Variants in GPRC5B observed in about 807,000 individuals in gnomAD.
GPRC5B encodes the protein G protein-coupled receptor class C group 5 member B, also known as G protein-coupled receptor family C group 5 member B.
A neutral mutation model predicts 30.1 loss-of-function variants in GPRC5B; 16 were observed. The ratio of observed to expected loss-of-function variants is 0.53; its 90% CI spans 0.36 to 0.81. The LOEUF (loss-of-function observed/expected upper bound fraction) is 0.81, where lower values mean the gene tolerates loss of function less well. Ranked by LOEUF, GPRC5B falls within the 30% of genes least tolerant of loss-of-function variation. The pLI is 0.01. For missense variants in GPRC5B, 428 were observed against 544.7 expected (o/e 0.79, Z 2.13); for synonymous variants, 241 against 239.5 (o/e 1.01, Z -0.06).
chr16:19,879,975 A>G (rs924585282), intron 1 of GPRC5B, among the ~76,000 whole-genome samples: 2 of 151,296 alleles, frequency 1.3e-5, no homozygotes, highest in African/African-American at 4.9e-5. Flanking sequence ...TCTCTATAAA[A>G]ATACAAAAAT....
At chr16:19,881,836 C>T (rs1252562669) in intron 1 of GPRC5B, among the ~76,000 whole-genome samples, 1 of 152,224 alleles carries the variant, frequency 6.6e-6, no homozygotes, top group African/African-American at 2.4e-5. Context: ...AAGGCAGAGA[C>T]GTCAGGAAAA....
chr16:19,864,352 A>G (rs2056650403), intron 2 of GPRC5B, among the ~76,000 whole-genome samples: 1 of 152,266 alleles, frequency 6.6e-6, no homozygotes, highest in African/African-American at 2.4e-5. Context: ...TGCTCTGTTG[A>G]AAGCCAACAT....
At chr16:19,879,489 A>T in intron 1 of GPRC5B, among the ~76,000 whole-genome samples, 1 of 151,408 alleles carries the variant, frequency 6.6e-6, no homozygotes. Context: ...GGCCAGAAGC[A>T]GCTAGCAGGT....
chr16:19,884,740 C>A lies in GPRC5B; in HGVS notation c.-15G>T. On this transcript the variant is annotated 5_prime_UTR_variant, in exon 1 of 4. Coordinates refer to ENST00000300571, the MANE Select transcript of GPRC5B (RefSeq NM_016235.3). ...GCTCGCACTTACCGACCCCCGCGGC[C>A]CCGCAGCGCCGACGCTCCAGCTGGC... The A allele has an allele frequency of 1.0e-6, 1 of 985,140 alleles. No individual in the cohort carries two copies. Among genetic ancestry groups the A allele is most frequent in the Non-Finnish European group, 1.2e-6 (1 of 829,788 alleles). The allele number at this position is 985,140 out of a possible 1,614,324, so 61.0% of individuals were successfully genotyped here.
At chr16:19,885,604 A>C (rs1359883242), upstream of GPRC5B, 6 of 1,035,712 alleles carry the variant, frequency 5.8e-6, no homozygotes, top group Non-Finnish European at 7.0e-6. The surrounding 1 kb of genome is among the most constrained non-coding windows in gnomAD (Gnocchi z 5.3). Flanking sequence ...TCACCCACGT[A>C]CGCACATGTC....
chr16:19,862,182 G>A, intron 2 of GPRC5B: 1 of 553,332 alleles, frequency 1.8e-6, no homozygotes, highest in East Asian at 3.1e-5. Context: ...CAGTGGGTTT[G>A]GGAAAAGCTG....
chr16:19,869,199 T>TGG (rs2056692177), intron 2 of GPRC5B, among the ~76,000 whole-genome samples: 1 of 151,738 alleles, frequency 6.6e-6, no homozygotes, highest in Admixed American at 6.6e-5. Context: ...CGTGATGGCA[T>TGG]GCACCTGTAA....
At chr16:19,862,654 G>A (rs1169131818) in intron 2 of GPRC5B, among the ~76,000 whole-genome samples, 1 of 152,202 alleles carries the variant, frequency 6.6e-6, no homozygotes, top group Non-Finnish European at 1.5e-5. Flanking sequence ...GCTCAAGCCT[G>A]TAATCCCTAA....
chr16:19,863,423 G>A (rs922745303), intron 2 of GPRC5B, among the ~76,000 whole-genome samples: 25 of 150,982 alleles, frequency 1.7e-4, no homozygotes, highest in African/African-American at 6.1e-4. Context: ...CACTTTGCTT[G>A]GGGCCCAAGG....
chr16:19,874,544 T>C (rs1183021352), intron 1 of GPRC5B, among the ~76,000 whole-genome samples: 1 of 152,224 alleles, frequency 6.6e-6, no homozygotes, highest in Non-Finnish European at 1.5e-5. Flanking sequence ...ACAAGGCTCC[T>C]TCAGTCTTGG....
intron 2 of GPRC5B, among the ~76,000 whole-genome samples, chr16:19,871,281 C>CAAAAAAAAAAAAAAAAAAA (rs71375667): frequency 4.3e-5 from 3 of 70,352 alleles, no homozygotes; most frequent in Non-Finnish European, 5.2e-5. Context: ...GACCCTGTCT[C>CAAAAAAAAAAAAAAAAAAA]AAAAAAAAAA....
In GPRC5B at chr16:19,872,439, C is replaced by T. The variant is rs2056729216; in HGVS notation, c.407G>A (p.Cys136Tyr). Residue 136 changes from cysteine (C) to tyrosine (Y), a missense_variant, in exon 2 of 4, where the codon TGC becomes TAC. Physicochemically the swap from Cys to Tyr is radical, Grantham distance 194 (BLOSUM62 -2). Transcript: ENST00000300571. The surrounding 1 kb of genome is among the most constrained non-coding windows in gnomAD (Gnocchi z 5.0). ...RFLWGVLFALCFSCLLSQAWR... is the reference protein window; with the variant it reads ...RFLWGVLFALYFSCLLSQAWR... ...TGCCTGGCTCAGCAGGCAGGAGAAG[C>T]AGAGCGCAAAGAGGACGCCCCAGAG... 1 of 1,613,948 alleles carries T rather than the reference C, an allele frequency of 6.2e-7. No homozygotes were observed. Among genetic ancestry groups the T allele is most frequent in the Non-Finnish European group, 8.5e-7 (1 of 1,179,888 alleles).
intron 2 of GPRC5B, among the ~76,000 whole-genome samples, chr16:19,862,685 A>G (rs1567206997): frequency 6.6e-6 from 1 of 152,170 alleles, no homozygotes; most frequent in Non-Finnish European, 1.5e-5. Context: ...TTGGGAGGCC[A>G]AGGCGGGTGG....
In GPRC5B at chr16:19,860,538, T is replaced by C. The variant is rs139694238; in HGVS notation, c.1174A>G (p.Thr392Ala). The C allele has an allele frequency of 4.4e-6, 7 of 1,597,182 alleles. No homozygotes were observed. The highest frequency in any genetic ancestry group is 1.1e-5 in the South Asian group (1 of 90,676). The stretch of plus-strand genomic sequence containing the variant: ...CTTCCTGTGTGACTTGGCGGAGCAG[T>C]TGGGATCTGGAATAACACATAAGGA... ...AVVLNGGTIPTAPPSHTGRHL... is the reference protein window; with the variant it reads ...AVVLNGGTIPAAPPSHTGRHL... Residue 392 changes from threonine to alanine, a missense_variant, in exon 4 of 4, where the codon ACT becomes GCT. Thr to Ala is a moderately conservative substitution (Grantham distance 58). Coordinates refer to ENST00000300571, the MANE Select transcript of GPRC5B (RefSeq NM_016235.3).
chr16:19,862,042 C>A, intron 2 of GPRC5B, 69 bp from the exon 3 acceptor site: 1 of 1,503,628 alleles, frequency 6.7e-7, no homozygotes, highest in Non-Finnish European at 9.2e-7. Flanking sequence ...TCTTCCCCTG[C>A]AACAACAGCG....
intron 2 of GPRC5B, chr16:19,862,303 T>C: frequency 3.3e-6 from 1 of 302,084 alleles, no homozygotes; most frequent in South Asian, 4.0e-5. Context: ...CAGAAAGCCA[T>C]TCATGTAAAG....
intron 1 of GPRC5B, among the ~76,000 whole-genome samples, chr16:19,878,542 C>T (rs2056778506): frequency 6.6e-6 from 1 of 152,122 alleles, no homozygotes; most frequent in Non-Finnish European, 1.5e-5. Flanking sequence ...GATCTGCCCG[C>T]CTCAGCCTCC....
upstream of GPRC5B, chr16:19,884,999 GC>G (rs376882270): frequency 1.5e-4 from 91 of 612,750 alleles, 1 homozygote; most frequent in Middle Eastern, 8.3e-4. Flanking sequence ...TCCGCGCGGG[GC>G]TAGGCGCCGT....
In GPRC5B at chr16:19,872,636, T is replaced by C. The variant is rs1332780798; in HGVS notation, c.210A>G (p.Thr70=). The C allele has an allele frequency of 1.2e-6, 2 of 1,613,914 alleles. No individual in the cohort carries two copies. Among genetic ancestry groups the C allele is most frequent in the Admixed American group, 1.7e-5 (1 of 60,002 alleles). ...EAVAGAGALI[T]LLLMLILLVR... ...CCAGGAGGATGAGCATCAGGAGCAGTGTGATCAGGGCGCCCGCCCCGGCCA... is the reference window on the plus strand; with the variant it reads ...CCAGGAGGATGAGCATCAGGAGCAGCGTGATCAGGGCGCCCGCCCCGGCCA... The change falls in exon 2 of 4, where the codon ACA becomes ACG. Residue 70 remains threonine, a synonymous_variant. Coordinates refer to ENST00000300571, the MANE Select transcript of GPRC5B (RefSeq NM_016235.3). The surrounding 1 kb of genome is among the most constrained non-coding windows in gnomAD (Gnocchi z 5.0).
Sources: gnomAD v4.1 joint callset for allele counts (sites outside exome capture counted in the v4.1 genomes callset) on GRCh38, gnomAD v4.1.1 for gene constraint, Gnocchi (gnomAD v3.1) non-coding constraint, MANE v1.5 for transcripts, NCBI Gene and HGNC (gene_info 2026-07-23, HGNC 2026-07-21) for gene names.